CPHXL: variants seen among roughly 807,000 people sequenced by gnomAD.
CPHXL encodes cytoplasmic polyadenylated homeobox-like protein.
chr16:75,726,222 A>T (rs186910408), intron 1 of CPHXL, among the ~76,000 whole-genome samples, 196 bp downstream of exon 1: 373 of 152,280 alleles, frequency 2.4e-3, no homozygotes, highest in Non-Finnish European at 4.0e-3. Flanking sequence ...TATGGGACTC[A>T]CGGCTGCCAT....
At chr16:75,725,508 A>G (rs1597223997) in intron 1 of CPHXL, among the ~76,000 whole-genome samples, 1 of 147,898 alleles carries the variant, frequency 6.8e-6, no homozygotes, top group East Asian at 2.0e-4. Context: ...GCTGGAGTGC[A>G]GCGGCACCAT....
At chr16:75,721,494 A>G (rs1374765005) in intron 1 of CPHXL, among the ~76,000 whole-genome samples, 2 of 152,218 alleles carry the variant, frequency 1.3e-5, no homozygotes, top group African/African-American at 4.8e-5. Flanking sequence ...CAAAGATCAA[A>G]AGAGACAAAG....
chr16:75,716,845 C>T (rs557156601), intron 2 of CPHXL, among the ~76,000 whole-genome samples: 8 of 152,318 alleles, frequency 5.3e-5, no homozygotes, highest in Non-Finnish European at 1.0e-4. Context: ...AGACAACTCT[C>T]AGATTTATAT....
At chr16:75,720,406 A>T (rs1959460069) in intron 1 of CPHXL, among the ~76,000 whole-genome samples, 1 of 152,224 alleles carries the variant, frequency 6.6e-6, no homozygotes, top group Admixed American at 6.5e-5. Context: ...GGAAGTCGTT[A>T]AAGGACCTGA....
At chr16:75,720,864 T>C (rs1240493364) in intron 1 of CPHXL, among the ~76,000 whole-genome samples, 1 of 152,170 alleles carries the variant, frequency 6.6e-6, no homozygotes. Context: ...AAAGGTCGGG[T>C]TACCCACAAA....
rs1959368117 is a variant in CPHXL, at chr16:75,714,883, C to A, written c.559G>T (p.Gly187Cys). The A allele has an allele frequency of 2.5e-6, 1 of 398,514 alleles. No homozygotes were observed. The highest frequency in any genetic ancestry group is 4.4e-5 in the Admixed American group (1 of 22,712). The allele number at this position is 398,514 out of a possible 1,614,324, so 24.7% of individuals were successfully genotyped here. ...EKPGIPSQQV[G>C]SQCSYLEKLG... ...TTCTCCAGATAGGAGCACTGGGAAC[C>A]CACCTGTTGACTGGGAATCCCTGGT... Residue 187 changes from glycine (G) to cysteine (C), a missense_variant, in exon 3 of 3, where the codon GGT becomes TGT. Coordinates refer to ENST00000640559, the MANE Select transcript of CPHXL (RefSeq NM_001355613.1).
intron 2 of CPHXL, among the ~76,000 whole-genome samples, 181 bp downstream of exon 2, chr16:75,718,084 G>GGT (rs1357913621): frequency 6.6e-6 from 1 of 151,964 alleles, no homozygotes; most frequent in Non-Finnish European, 1.5e-5. Context: ...CTGGCGGGGT[G>GGT]GTGTGTGCCT....
chr16:75,723,603 G>A (rs1419484333), intron 1 of CPHXL, among the ~76,000 whole-genome samples: 3 of 152,088 alleles, frequency 2.0e-5, no homozygotes, highest in African/African-American at 7.2e-5. Flanking sequence ...AATAAAAGAG[G>A]ATACAAACAA....
chr16:75,720,539 G>A (rs1039670777), intron 1 of CPHXL, among the ~76,000 whole-genome samples: 1 of 152,170 alleles, frequency 6.6e-6, no homozygotes, highest in Non-Finnish European at 1.5e-5. Context: ...GAAGCAAGAA[G>A]AGAAGTTTAG....
chr16:75,715,214 G>A lies in CPHXL; in HGVS notation c.228C>T (p.Phe76=), dbSNP rs1959373350. The A allele has an allele frequency of 2.5e-6, 1 of 398,664 alleles. No homozygotes were observed. Among genetic ancestry groups the A allele is most frequent in the Non-Finnish European group, 4.4e-6 (1 of 226,202 alleles). 24.7% of individuals were successfully genotyped at this position (398,664 alleles called of 1,614,324 possible). A position where few individuals can be genotyped will look rare whatever the true frequency, so the allele number is the denominator to read the frequency against. ...DCPVNVIDNW[F]QNKRARLPPA... is the part of the protein sequence containing the mutation. The stretch of plus-strand genomic sequence containing the variant: ...GTGGAAGTCTGGCTCTTTTATTCTG[G>A]AACCAATTCTAGAGAGAAAAGATAA... The change falls in exon 3 of 3, where the codon TTC becomes TTT. Residue 76 remains phenylalanine (F), a synonymous_variant. Coordinates refer to ENST00000640559, the MANE Select transcript of CPHXL (RefSeq NM_001355613.1).
intron 1 of CPHXL, among the ~76,000 whole-genome samples, chr16:75,720,080 A>G (rs539410460): frequency 8.5e-5 from 13 of 152,364 alleles, no homozygotes; most frequent in East Asian, 3.9e-4. Flanking sequence ...CAGAAAGGAC[A>G]TCCACACTAA....
Position 75,714,166 on chromosome 16 carries a change from C to G in CPHXL, c.*58G>C, listed in dbSNP as rs547459177. On this transcript the variant is annotated 3_prime_UTR_variant, in exon 3 of 3. Coordinates refer to ENST00000640559, the MANE Select transcript of CPHXL (RefSeq NM_001355613.1). ...GACTGTGTTTCTCTGACACTTAGCA[C>G]TACTTTGCAGAGTTGCATCCTTGGT... 11 of 398,724 alleles carry G rather than the reference C, an allele frequency of 2.8e-5. No homozygotes were observed. In the South Asian group the frequency reaches 1.3e-3, roughly 47 times the overall value. The allele number at this position is 398,724 out of a possible 1,614,324, so 24.7% of individuals were successfully genotyped here.
At chr16:75,720,861 G>A (rs1032486216) in intron 1 of CPHXL, among the ~76,000 whole-genome samples, 6 of 152,166 alleles carry the variant, frequency 3.9e-5, no homozygotes, top group Non-Finnish European at 7.3e-5. Flanking sequence ...GAGAAAGGTC[G>A]GGTTACCCAC....
Position 75,724,739 on chromosome 16 carries a change from T to C in CPHXL, c.25+1679A>G, listed in dbSNP as rs531371177. On this transcript the variant is annotated intron_variant, in intron 1 of 2. Coordinates refer to ENST00000640559, the MANE Select transcript of CPHXL (RefSeq NM_001355613.1). ...TGGCGATTCCTCAGGGATCTAGAAC[T>C]AGAAATGCCATTTGACCCAGCCATC... is the stretch of plus-strand genomic sequence containing the variant. 2.7e-3 allele frequency among the ~76,000 whole-genome samples: 412 copies of C among 152,242 alleles called. 3 individuals carry two copies. Among genetic ancestry groups the C allele is most frequent in the African/African-American group, 7.8e-3 (323 of 41,554 alleles).
chr16:75,717,407 C>T (rs188631366), intron 2 of CPHXL, among the ~76,000 whole-genome samples: 34 of 152,124 alleles, frequency 2.2e-4, no homozygotes, highest in Admixed American at 9.2e-4. Context: ...TGGATACCAA[C>T]GTTTGAGGAT....
intron 1 of CPHXL, 55 bp downstream of exon 1, chr16:75,726,363 T>C (rs571459275): frequency 1.8e-5 from 7 of 398,560 alleles, no homozygotes; most frequent in African/African-American, 1.4e-4. Context: ...TGACACACTA[T>C]TGAGAAAAAG....
intron 1 of CPHXL, among the ~76,000 whole-genome samples, chr16:75,722,486 A>C (rs1379321472): frequency 6.6e-6 from 1 of 152,230 alleles, no homozygotes. Context: ...ACCTCTACAC[A>C]AGTAAACTAG....
chr16:75,719,603 A>T (rs959215647), intron 1 of CPHXL, among the ~76,000 whole-genome samples: 3 of 152,188 alleles, frequency 2.0e-5, no homozygotes, highest in African/African-American at 4.8e-5. Context: ...AAAAGCTGCC[A>T]GGAAGCTCAA....
intron 1 of CPHXL, among the ~76,000 whole-genome samples, chr16:75,722,138 C>A (rs1023958701): frequency 6.6e-6 from 1 of 152,084 alleles, no homozygotes; most frequent in Admixed American, 6.5e-5. Flanking sequence ...ACTAAATGCC[C>A]ACAAGAGAAA....
Sources: gnomAD v4.1 joint callset for allele counts (sites outside exome capture counted in the v4.1 genomes callset) on GRCh38, gnomAD v4.1.1 for gene constraint, MANE v1.5 for transcripts, NCBI Gene and HGNC (gene_info 2026-07-23, HGNC 2026-07-21) for gene names.